The following GAS7 variants were observed in gnomAD, a reference collection of about 807,000 sequenced individuals.
GAS7 encodes the protein growth arrest specific 7, also known as growth arrest-specific protein 7.
Under a neutral mutation model 71.1 loss-of-function variants are expected in GAS7, and 28 were observed. That is an observed-to-expected ratio of 0.39 (90% CI 0.29 to 0.54). The LOEUF (loss-of-function observed/expected upper bound fraction) is 0.54, where lower values mean the gene tolerates loss of function less well. Among genes scored for constraint, GAS7 ranks in the 20% least tolerant of loss-of-function variants. The probability of loss-of-function intolerance (pLI) is 0.62; values close to 1 mark genes in which losing one functional copy is unlikely to be tolerated. For synonymous variants in GAS7, 258 were observed against 245.8 expected (o/e 1.05, Z -0.46); for missense variants, 436 against 627.8 (o/e 0.69, Z 3.27).
chr17:10,084,602 G>C (rs916327288), intron 1 of GAS7, among the ~76,000 whole-genome samples: 1 of 152,240 alleles, frequency 6.6e-6, no homozygotes, highest in South Asian at 2.1e-4. Context: ...AAGTAGCTGA[G>C]ATTACAGGCA....
intron 1 of GAS7, among the ~76,000 whole-genome samples, chr17:10,126,389 C>A (rs896387581): frequency 1.3e-5 from 2 of 150,976 alleles, no homozygotes; most frequent in African/African-American, 4.9e-5. Flanking sequence ...CACACTCACG[C>A]ACATGCACAC....
intron 1 of GAS7, among the ~76,000 whole-genome samples, chr17:10,165,088 T>C (rs1040859397): frequency 1.4e-5 from 2 of 147,428 alleles, no homozygotes; most frequent in African/African-American, 5.0e-5. Flanking sequence ...ATCGAGATCA[T>C]CCTGGCTAAC....
In GAS7 at chr17:9,914,985, T is replaced by C. The variant is rs1412859377; in HGVS notation, c.*2243A>G. ...GGCTTCCCTGACGACAGGGCCATTA[T>C]AGTGTCCTCAGATTAGATCTTAGCA... On this transcript the variant is annotated 3_prime_UTR_variant, in exon 14 of 14. Transcript: ENST00000432992. The C allele has an allele frequency of 4.3e-6, 1 of 232,316 alleles. No individual in the cohort carries two copies. Among genetic ancestry groups the C allele is most frequent in the Non-Finnish European group, 8.5e-6 (1 of 117,582 alleles). The allele number at this position is 232,316 out of a possible 1,614,324, so 14.4% of individuals were successfully genotyped here. A position where few individuals can be genotyped will look rare whatever the true frequency, so the allele number is the denominator to read the frequency against.
At chr17:9,980,058 T>G (rs1445332033) in intron 3 of GAS7, among the ~76,000 whole-genome samples, 1 of 150,662 alleles carries the variant, frequency 6.6e-6, no homozygotes, top group African/African-American at 2.5e-5. Context: ...TCCTTTCTTA[T>G]TTTTTTAAAA....
chr17:10,068,790 A>G (rs953198432), intron 1 of GAS7, among the ~76,000 whole-genome samples: 1 of 151,868 alleles, frequency 6.6e-6, no homozygotes, highest in African/African-American at 2.4e-5. Flanking sequence ...GTCTTATTAC[A>G]GCAAAAAAAT....
chr17:10,188,829 A>C (rs1046708417), intron 1 of GAS7, among the ~76,000 whole-genome samples: 1 of 152,068 alleles, frequency 6.6e-6, no homozygotes, highest in Admixed American at 6.6e-5. Context: ...ATAGAGAAAA[A>C]ATTTGGGTTT....
intron 2 of GAS7, among the ~76,000 whole-genome samples, chr17:10,015,153 C>CAA (rs777458860): frequency 1.7e-5 from 2 of 115,934 alleles, no homozygotes; most frequent in African/African-American, 4.2e-5. Flanking sequence ...GACTCTGTCT[C>CAA]AAAAAAAAAA....
At chr17:10,053,889 A>G (rs1290448816) in intron 1 of GAS7, among the ~76,000 whole-genome samples, 1 of 152,164 alleles carries the variant, frequency 6.6e-6, no homozygotes, top group African/African-American at 2.4e-5. Flanking sequence ...GTGATTCTCA[A>G]GCTTCAGCAT....
At chr17:10,065,812 G>A (rs9896318) in intron 1 of GAS7, among the ~76,000 whole-genome samples, 55 of 152,296 alleles carry the variant, frequency 3.6e-4, no homozygotes, top group African/African-American at 1.3e-3. Flanking sequence ...CAATACCTCT[G>A]ATGCTTCCCC....
At chr17:10,039,808 G>A (rs2072828970) in intron 1 of GAS7, 5 of 452,936 alleles carry the variant, frequency 1.1e-5, no homozygotes, top group Non-Finnish European at 2.2e-5. Flanking sequence ...AATGTCAATC[G>A]AGGGATTTTC....
At chr17:9,951,510 A>T (rs1306824468) in intron 5 of GAS7, among the ~76,000 whole-genome samples, 1 of 152,100 alleles carries the variant, frequency 6.6e-6, no homozygotes, top group African/African-American at 2.4e-5. Context: ...TAATCCCAGC[A>T]CTTTGGGAGG....
intron 1 of GAS7, among the ~76,000 whole-genome samples, chr17:10,024,850 G>A (rs78968071): frequency 1.7e-4 from 26 of 152,280 alleles, no homozygotes; most frequent in Admixed American, 9.2e-4. Flanking sequence ...CACTACTTCA[G>A]AACCCTACTC....
At position 9,930,133 on chromosome 17, in the gene GAS7, C is replaced by G. The variant is rs368392867; in HGVS notation, c.886-3364G>C. On this transcript the variant is annotated intron_variant, in intron 9 of 13. Transcript: ENST00000432992. ...AGCTTTTTGGTGAGAACAGACCAGA[C>G]TTGAACAGAAAATACCAGAGTACAT... is the stretch of plus-strand genomic sequence containing the variant. Among the ~76,000 whole-genome samples the G allele has an allele frequency of 5.3e-5, 8 of 152,308 alleles. No homozygotes were observed. The East Asian group carries it at 7.7e-4, about 15-fold the overall frequency.
chr17:9,955,530 G>A (rs564191627), intron 5 of GAS7, among the ~76,000 whole-genome samples: 2 of 152,330 alleles, frequency 1.3e-5, no homozygotes, highest in African/African-American at 2.4e-5. Context: ...AGGAAACTGA[G>A]GCACAGAGAG....
chr17:10,072,504 G>A (rs1170455300), intron 1 of GAS7, among the ~76,000 whole-genome samples: 2 of 152,164 alleles, frequency 1.3e-5, no homozygotes, highest in African/African-American at 4.8e-5. Flanking sequence ...AAGACTCTGT[G>A]TAGAGAAGAG....
rs2152058822 is a variant in GAS7 at position 9,912,770 on chromosome 17, T to C, written c.*4458A>G. The stretch of plus-strand genomic sequence containing the variant: ...GAAGGAAGCAGCAAGCTGGAAGTGG[T>C]CGTGCAAACAAGTTGAAGACCCTGG... On this transcript the variant is annotated 3_prime_UTR_variant, in exon 14 of 14. Coordinates refer to ENST00000432992, the MANE Select transcript of GAS7 (RefSeq NM_201433.2). 2 of 232,670 alleles carry C rather than the reference T, an allele frequency of 8.6e-6. No individual in the cohort carries two copies. Among genetic ancestry groups the C allele is most frequent in the Middle Eastern group, 1.3e-3 (1 of 788 alleles). The allele number at this position is 232,670 out of a possible 1,614,324, so 14.4% of individuals were successfully genotyped here.
At chr17:9,986,338 T>C (rs1363775125) in intron 2 of GAS7, among the ~76,000 whole-genome samples, 1 of 152,212 alleles carries the variant, frequency 6.6e-6, no homozygotes, top group African/African-American at 2.4e-5. Flanking sequence ...TTTGATCTTC[T>C]GGTTGGGGCA....
intron 8 of GAS7, among the ~76,000 whole-genome samples, chr17:9,937,749 T>A (rs1341995375): frequency 6.6e-6 from 1 of 152,208 alleles, no homozygotes; most frequent in African/African-American, 2.4e-5. Flanking sequence ...CATGGCTCGC[T>A]GACGACCACA....
Position 10,198,361 on chromosome 17 carries a change from G to T in GAS7, c.30C>A (p.Tyr10Ter), listed in dbSNP as rs370392546. Residue 10 changes from tyrosine (Y) to a stop codon, truncating the protein, a stop_gained, in exon 1 of 14, where the codon TAC (tyrosine) becomes TAA (stop). Coordinates refer to ENST00000432992, the MANE Select transcript of GAS7 (RefSeq NM_201433.2). LOFTEE classifies it high-confidence loss of function. MSGARCRTL[Y>*]PFSGERHGQG... ...GGCCGTGCCGCTCCCCGGAGAAGGG[G>T]TACAGGGTCCGGCAGCGAGCGCCGG... 3.1e-6 allele frequency: 5 copies of T among 1,595,882 alleles called. No individual in the cohort carries two copies. Among genetic ancestry groups the T allele is most frequent in the Non-Finnish European group, 4.2e-6 (5 of 1,177,856 alleles).
Sources: allele counts gnomAD v4.1 joint callset (sites outside exome capture counted in the v4.1 genomes callset), GRCh38; gene constraint gnomAD v4.1.1; transcripts MANE v1.5; gene names NCBI Gene and HGNC (gene_info 2026-07-23, HGNC 2026-07-21).